Variants in SPMIP6 observed in about 807,000 individuals in gnomAD.
SPMIP6 encodes the protein sperm microtubule inner protein 6, also known as ciliated bronchial epithelial protein 1.
chr9:34,397,637 G>A, the SPMIP6 span: 9 of 1,597,300 alleles, frequency 5.6e-6, no homozygotes, highest in South Asian at 2.3e-5. Flanking sequence ...GGAACATGGT[G>A]TGGTCTTGGA....
At chr9:34,392,442 CGTGTGT>C in the SPMIP6 span, among the ~76,000 whole-genome samples, 2,254 of 148,220 alleles carry the variant, frequency 0.015, 93 homozygotes, top group East Asian at 0.14. The surrounding 1 kb of genome is among the most constrained non-coding windows in gnomAD (Gnocchi z 4.6). Context: ...ATCTAAAAAC[CGTGTGT>C]GTGTGTGTGT....
the SPMIP6 span, among the ~76,000 whole-genome samples, chr9:34,392,201 T>C: frequency 6.6e-6 from 1 of 151,930 alleles, no homozygotes; most frequent in African/African-American, 2.4e-5. The surrounding 1 kb of genome is among the most constrained non-coding windows in gnomAD (Gnocchi z 4.6). Flanking sequence ...GCTTCCTGAC[T>C]GTAGGCACAC....
the SPMIP6 span, among the ~76,000 whole-genome samples, chr9:34,382,073 T>A: frequency 6.6e-6 from 1 of 152,176 alleles, no homozygotes. Flanking sequence ...ATTCATTGTA[T>A]CACTGACTCC....
the SPMIP6 span, chr9:34,389,911 C>T: frequency 2.1e-5 from 3 of 142,474 alleles, no homozygotes; most frequent in Non-Finnish European, 3.0e-5. Context: ...TCCAATTATT[C>T]TAATAATGTG....
the SPMIP6 span, among the ~76,000 whole-genome samples, chr9:34,388,932 C>CTTTTTTT: frequency 2.1e-4 from 23 of 109,818 alleles, 1 homozygote; most frequent in African/African-American, 3.2e-4. Flanking sequence ...CTCTCTCTTT[C>CTTTTTTT]TTTTTTTTTT....
At chr9:34,380,759 G>A in the SPMIP6 span, 2 of 1,548,150 alleles carry the variant, frequency 1.3e-6, no homozygotes, top group Non-Finnish European at 1.7e-6. Context: ...GACACGGCAG[G>A]GCCTCGAGAG....
the SPMIP6 span, chr9:34,385,767 G>T: frequency 6.2e-7 from 1 of 1,613,454 alleles, no homozygotes; most frequent in South Asian, 1.1e-5. Flanking sequence ...GTCGCTCCAT[G>T]GTATGAGTCA....
At chr9:34,390,953 G>A in the SPMIP6 span, among the ~76,000 whole-genome samples, 1 of 152,182 alleles carries the variant, frequency 6.6e-6, no homozygotes, top group East Asian at 1.9e-4. Flanking sequence ...AAGTTATGCT[G>A]GGTTCATAGA....
At chr9:34,394,443 C>G in the SPMIP6 span, among the ~76,000 whole-genome samples, 1 of 152,220 alleles carries the variant, frequency 6.6e-6, no homozygotes, top group Non-Finnish European at 1.5e-5. Flanking sequence ...CTGTGAGCCA[C>G]TGCACCCGGC....
the SPMIP6 span, among the ~76,000 whole-genome samples, chr9:34,391,352 A>G: frequency 6.6e-6 from 1 of 152,256 alleles, no homozygotes; most frequent in East Asian, 1.9e-4. Flanking sequence ...CAAAGAAACA[A>G]CTTTTGCCTG....
At chr9:34,379,820 C>T in the SPMIP6 span, 1 of 1,018,754 alleles carries the variant, frequency 9.8e-7, no homozygotes, top group Non-Finnish European at 1.5e-6. This position sits in a 1 kb window ranked among gnomAD's most constrained non-coding sequence, Gnocchi z 4.2. Context: ...GGCGGCGCTT[C>T]AGGTGTCCGT....
the SPMIP6 span, among the ~76,000 whole-genome samples, chr9:34,393,177 C>T: frequency 9.2e-5 from 14 of 152,310 alleles, no homozygotes; most frequent in Admixed American, 4.6e-4. Flanking sequence ...ATGGGAGAAT[C>T]TAGGAACACC....
chr9:34,390,494 C>G, the SPMIP6 span, among the ~76,000 whole-genome samples: 9 of 151,652 alleles, frequency 5.9e-5, no homozygotes, highest in Non-Finnish European at 1.3e-4. Context: ...TGTTTTTTTT[C>G]TTGAATCTGT....
the SPMIP6 span, among the ~76,000 whole-genome samples, chr9:34,389,396 T>C: frequency 6.6e-6 from 1 of 152,262 alleles, no homozygotes; most frequent in Non-Finnish European, 1.5e-5. Context: ...GGAGTTTGGA[T>C]AACTCATCTT....
the SPMIP6 span, among the ~76,000 whole-genome samples, chr9:34,396,786 C>T: frequency 3.9e-5 from 6 of 152,282 alleles, no homozygotes; most frequent in Admixed American, 1.3e-4. Flanking sequence ...TGTTCCACAT[C>T]GGGCAACTCT....
the SPMIP6 span, among the ~76,000 whole-genome samples, chr9:34,380,187 C>A: frequency 6.6e-6 from 1 of 152,168 alleles, no homozygotes; most frequent in East Asian, 1.9e-4. Flanking sequence ...CACTATGGAC[C>A]CCCACTGCAC....
the SPMIP6 span, among the ~76,000 whole-genome samples, chr9:34,386,291 A>G: frequency 6.6e-6 from 1 of 152,052 alleles, no homozygotes; most frequent in South Asian, 2.1e-4. Context: ...CTGGAGGGGC[A>G]CCTACTTTAA....
chr9:34,388,377 C>G, the SPMIP6 span, among the ~76,000 whole-genome samples: 15 of 150,988 alleles, frequency 9.9e-5, no homozygotes, highest in Non-Finnish European at 2.1e-4. Flanking sequence ...GTCTCAAACT[C>G]CTGACATCAG....
chr9:34,395,379 A>G, the SPMIP6 span, among the ~76,000 whole-genome samples: 1 of 152,204 alleles, frequency 6.6e-6, no homozygotes, highest in Admixed American at 6.5e-5. Context: ...TCTGTCACTA[A>G]CACTTGACAC....
Sources: allele counts gnomAD v4.1 joint callset (sites outside exome capture counted in the v4.1 genomes callset), GRCh38; gene constraint gnomAD v4.1.1; non-coding constraint Gnocchi (gnomAD v3.1); transcripts MANE v1.5; gene names NCBI Gene and HGNC (gene_info 2026-07-23, HGNC 2026-07-21).